Variants in SPATA13 observed in about 807,000 individuals in gnomAD.
SPATA13 encodes the protein spermatogenesis associated 13.
In SPATA13, 50 loss-of-function variants were observed where a neutral mutation model predicts 104.0. The observed-to-expected ratio is 0.48, with a 90% CI of 0.38 to 0.61. The LOEUF (loss-of-function observed/expected upper bound fraction) is 0.61. Ranked by LOEUF, SPATA13 falls within the 20% of genes least tolerant of loss-of-function variation. The pLI is 0.00. For synonymous variants in SPATA13, 606 were observed against 667.5 expected (o/e 0.91, Z 1.42); for missense variants, 1,524 against 1,690.6 (o/e 0.90, Z 1.73).
chr13:24,150,183 A>G (rs1882056977), intron 3 of SPATA13, among the ~76,000 whole-genome samples: 1 of 152,128 alleles, frequency 6.6e-6, no homozygotes, highest in African/African-American at 2.4e-5. Context: ...CATTGGCTCT[A>G]CAGTGCCCGT....
chr13:24,238,218 A>G (rs1379888014), intron 2 of SPATA13, among the ~76,000 whole-genome samples: 2 of 104,908 alleles, frequency 1.9e-5, no homozygotes, highest in African/African-American at 6.9e-5. Context: ...GTGCAGTGGC[A>G]TAATCTCGGC....
At chr13:24,235,604 A>T (rs569881415) in intron 2 of SPATA13, among the ~76,000 whole-genome samples, 2 of 152,288 alleles carry the variant, frequency 1.3e-5, no homozygotes, top group Non-Finnish European at 2.9e-5. Context: ...TTAAAAAAAA[A>T]TAAAAAGCCA....
Position 24,251,737 on chromosome 13 carries a change from T to C in SPATA13, c.2039T>C (p.Met680Thr). ...TTGCAGCCGGCTTCCAGGCCGCCCA[T>C]GCCTGCTCACCAGGTGCCACCCTAC... is the stretch of plus-strand genomic sequence containing the variant. ...LLTQPASRPP[M>T]PAHQVPPYKA... Residue 680 changes from methionine (M) to threonine (T), a missense_variant, in exon 4 of 13, where the codon ATG becomes ACG. By Grantham distance (81) the Met-to-Thr change is moderately conservative. Around this residue, in one of 2 missense-constraint regions of SPATA13, gnomAD observed 1,089 missense variants for 1,135.9 expected, o/e 0.96. Coordinates refer to ENST00000382108, the MANE Select transcript of SPATA13 (RefSeq NM_001166271.3). 1.2e-6 allele frequency: 2 copies of C among 1,614,156 alleles called. No individual in the cohort carries two copies. The highest frequency in any genetic ancestry group is 1.7e-6 in the Non-Finnish European group (2 of 1,179,994).
At chr13:24,129,078 A>G (rs552574300) in intron 3 of SPATA13, among the ~76,000 whole-genome samples, 2 of 152,308 alleles carry the variant, frequency 1.3e-5, no homozygotes, top group Admixed American at 6.5e-5. Context: ...AATTCCTCTG[A>G]TAGGCTGACT....
intron 3 of SPATA13, among the ~76,000 whole-genome samples, chr13:24,115,419 A>T (rs9511063): frequency 0.66 from 100,381 of 152,212 alleles, 33,709 homozygotes; most frequent in East Asian, 0.93. Flanking sequence ...GAGCTCTGCC[A>T]CCTGTCAGAT....
chr13:23,986,290 G>A (rs1186268031), intron 2 of SPATA13, among the ~76,000 whole-genome samples: 1 of 152,054 alleles, frequency 6.6e-6, no homozygotes, highest in Non-Finnish European at 1.5e-5. Context: ...TGAAAATTGG[G>A]GCATCTAAGA....
rs1414877870 is a variant in SPATA13 at position 24,011,831 on chromosome 13, A to G, written c.-146-5836A>G. Among the ~76,000 whole-genome samples the G allele has an allele frequency of 6.6e-6, 1 of 152,230 alleles. No individual in the cohort carries two copies. Among genetic ancestry groups the G allele is most frequent in the Non-Finnish European group, 1.5e-5 (1 of 68,034 alleles). ...GGTAGATGGCCTGGAACTTAGGGGC[A>G]GAGCCCACCTGCACAGGCAAACTTG... On this transcript the variant is annotated intron_variant, in intron 2 of 14. Transcript: ENST00000424834. This position sits in a 1 kb window ranked among gnomAD's most constrained non-coding sequence, Gnocchi z 4.3.
chr13:24,042,010 T>C (rs1269100406), intron 3 of SPATA13, among the ~76,000 whole-genome samples: 1 of 152,206 alleles, frequency 6.6e-6, no homozygotes, highest in East Asian at 1.9e-4. Flanking sequence ...AGGGAATTCC[T>C]TGCTCTTGGT....
intron 3 of SPATA13, among the ~76,000 whole-genome samples, chr13:24,148,029 C>T (rs1466088853): frequency 6.6e-6 from 1 of 152,200 alleles, no homozygotes; most frequent in Non-Finnish European, 1.5e-5. Context: ...TGTCTTTTGG[C>T]TTTTGTGAAT....
Position 24,283,349 on chromosome 13 carries a change from A to C in SPATA13, c.2165-786A>C, listed in dbSNP as rs75624457. 7.6e-3 allele frequency among the ~76,000 whole-genome samples: 1,155 copies of C among 152,342 alleles called. 7 individuals are homozygous for C. The highest frequency in any genetic ancestry group is 0.012 in the Non-Finnish European group (811 of 68,032). On this transcript the variant is annotated intron_variant, in intron 4 of 12. Transcript: ENST00000382108. ...CACCTGACAGTCATTCCGTTGGAAA[A>C]AATACTGATAGATTGCTTCTTGGAC...
chr13:24,297,848 C>A, intron 11 of SPATA13, 113 bp downstream of exon 11: 1 of 1,305,094 alleles, frequency 7.7e-7, no homozygotes, highest in Non-Finnish European at 1.0e-6. Flanking sequence ...CTGAATCCCA[C>A]CATGGGGAAA....
chr13:24,295,019 C>T, intron 10 of SPATA13, 151 bp downstream of exon 10: 1 of 787,742 alleles, frequency 1.3e-6, no homozygotes, highest in Non-Finnish European at 1.9e-6. Flanking sequence ...TATTTCGAGG[C>T]ATACTGTTGA....
intron 3 of SPATA13, among the ~76,000 whole-genome samples, chr13:24,035,552 G>A (rs577615963): frequency 1.9e-4 from 29 of 152,322 alleles, no homozygotes; most frequent in Admixed American, 1.5e-3. Flanking sequence ...TGGTTTTCTG[G>A]GTTCCTGGGC....
chr13:24,016,510 A>G (rs1252309422), intron 2 of SPATA13, among the ~76,000 whole-genome samples: 1 of 152,186 alleles, frequency 6.6e-6, no homozygotes, highest in Non-Finnish European at 1.5e-5. Flanking sequence ...CCACAATGCT[A>G]GGCTCAAAGG....
rs1207985576 is a variant in SPATA13, at chr13:24,290,698, G to A, written c.2894G>A (p.Gly965Asp). 3.1e-6 allele frequency: 5 copies of A among 1,614,202 alleles called. No individual in the cohort carries two copies. Among genetic ancestry groups the A allele is most frequent in the Non-Finnish European group, 4.2e-6 (5 of 1,180,046 alleles). ...IYSEYCNNHP[G>D]ACLELANLMK... ...TCCGAGTACTGCAACAACCACCCGGGCGCCTGCCTGGAGCTCGCCAACCTC... is the reference window on the plus strand; with the variant it reads ...TCCGAGTACTGCAACAACCACCCGGACGCCTGCCTGGAGCTCGCCAACCTC... Residue 965 changes from glycine (G) to aspartate (D), a missense_variant, in exon 9 of 13, where the codon GGC (glycine) becomes GAC (aspartate). By Grantham distance (94) the Gly-to-Asp change is moderately conservative. Around this residue, in one of 2 missense-constraint regions of SPATA13, gnomAD observed 435 missense variants for 554.8 expected, o/e 0.78. Coordinates refer to ENST00000382108, the MANE Select transcript of SPATA13 (RefSeq NM_001166271.3).
At chr13:24,198,105 C>T (rs942081700) in intron 1 of SPATA13, among the ~76,000 whole-genome samples, 1 of 152,094 alleles carries the variant, frequency 6.6e-6, no homozygotes, top group Non-Finnish European at 1.5e-5. Context: ...AAGCGATTCT[C>T]CTGCCTCAGC....
intron 2 of SPATA13, among the ~76,000 whole-genome samples, chr13:24,009,738 T>C (rs1876384768): frequency 6.6e-6 from 1 of 152,324 alleles, no homozygotes; most frequent in South Asian, 2.1e-4. Flanking sequence ...GGTAGCAGGC[T>C]TCAGAGAAAA....
At chr13:23,999,115 T>TG (rs1032216977) in intron 2 of SPATA13, among the ~76,000 whole-genome samples, 5 of 151,950 alleles carry the variant, frequency 3.3e-5, no homozygotes, top group African/African-American at 9.7e-5. Context: ...TTAGTAGAGA[T>TG]GGGGTTTTGC....
At chr13:24,229,805 A>G (rs1294211361) in intron 2 of SPATA13, among the ~76,000 whole-genome samples, 1 of 152,218 alleles carries the variant, frequency 6.6e-6, no homozygotes, top group African/African-American at 2.4e-5. Context: ...CAGATACAAG[A>G]GACCAGTTAG....
Sources: gnomAD v4.1 joint callset for allele counts (sites outside exome capture counted in the v4.1 genomes callset) on GRCh38, gnomAD v4.1.1 for gene constraint, gnomAD v4.1.1 regional missense constraint, Gnocchi (gnomAD v3.1) non-coding constraint, MANE v1.5 for transcripts, NCBI Gene and HGNC (gene_info 2026-07-23, HGNC 2026-07-21) for gene names.